The following ZNF827 variants were observed in gnomAD, a reference collection of about 807,000 sequenced individuals.
The protein encoded by ZNF827 is zinc finger protein 827.
ZNF827 carries 13 observed loss-of-function variants against 102.4 expected under a neutral mutation model. That is an observed-to-expected ratio of 0.13 (90% CI 0.08 to 0.20). ZNF827 has a LOEUF of 0.20. Among genes scored for constraint, ZNF827 ranks in the 10% least tolerant of loss-of-function variants. ZNF827 has a pLI of 1.00. For missense variants in ZNF827, 1,103 were observed against 1,344.4 expected, an observed-to-expected ratio of 0.82 and a Z score of 2.81; for synonymous variants, 523 against 536.2, an observed-to-expected ratio of 0.98 and a Z score of 0.34.
chr4:145,844,751 A>G (rs1745772938), intron 7 of ZNF827, among the ~76,000 whole-genome samples: 1 of 152,014 alleles, frequency 6.6e-6, no homozygotes, highest in South Asian at 2.1e-4. Flanking sequence ...AGTGTGAGGC[A>G]AGCTGGCTCT....
At chr4:145,792,752 A>G (rs1211590807) in intron 8 of ZNF827, among the ~76,000 whole-genome samples, 5 of 152,202 alleles carry the variant, frequency 3.3e-5, no homozygotes, top group Admixed American at 6.5e-5. Context: ...TAGTTGAGCA[A>G]AAGAAGTACC....
At chr4:145,937,407 C>G (rs1239740147) in intron 1 of ZNF827, among the ~76,000 whole-genome samples, 1 of 151,968 alleles carries the variant, frequency 6.6e-6, no homozygotes, top group Admixed American at 6.5e-5. Flanking sequence ...CGACTGACCC[C>G]GCATTTTATT....
chr4:145,908,574 CATA>C (rs1371578994), intron 1 of ZNF827, among the ~76,000 whole-genome samples: 1 of 152,204 alleles, frequency 6.6e-6, no homozygotes, highest in Non-Finnish European at 1.5e-5. Flanking sequence ...CAGTTATACT[CATA>C]ATAAGTGCTG....
chr4:145,838,063 C>T (rs1013928069), intron 7 of ZNF827, among the ~76,000 whole-genome samples: 3 of 152,134 alleles, frequency 2.0e-5, no homozygotes, highest in African/African-American at 7.2e-5. Flanking sequence ...AATGTCAGGC[C>T]TCTGAGCCCA....
chr4:145,799,040 AG>A (rs1351327422), intron 8 of ZNF827, among the ~76,000 whole-genome samples: 1 of 152,230 alleles, frequency 6.6e-6, no homozygotes. Flanking sequence ...TTCTGATGTA[AG>A]AAGCTGGCAG....
intron 1 of ZNF827, among the ~76,000 whole-genome samples, chr4:145,909,071 T>C (rs1752081579): frequency 6.6e-6 from 1 of 152,240 alleles, no homozygotes; most frequent in African/African-American, 2.4e-5. Flanking sequence ...ATGAAAAAAT[T>C]GTATATTTTT....
At chr4:145,897,063 G>T (rs9790707) in intron 2 of ZNF827, among the ~76,000 whole-genome samples, 41,601 of 152,056 alleles carry the variant, frequency 0.27, 5,970 homozygotes, top group East Asian at 0.38. Context: ...ATCCAGCTCT[G>T]TTTACAGATG....
Position 145,903,116 on chromosome 4 carries a change from A to T in ZNF827, c.143T>A (p.Val48Asp). 6.2e-7 allele frequency: 1 copy of T among 1,614,160 alleles called. No homozygotes were observed. Among genetic ancestry groups the T allele is most frequent in the Non-Finnish European group, 8.5e-7 (1 of 1,180,024 alleles). The stretch of plus-strand genomic sequence containing the variant: ...CAGAGACAACTTATAGTTCTCCTGG[A>T]CTTCCCCATAGGATGCTTCTGACGG... ...ETPSEASYGE[V>D]QENYKLSLED... The change falls in exon 2 of 15, where the codon GTC becomes GAC. Residue 48 changes from valine (V) to aspartate (D), a missense_variant. Around this residue, in one of 5 missense-constraint regions of ZNF827, gnomAD observed 441 missense variants for 458.6 expected, o/e 0.96. Coordinates refer to ENST00000508784, the MANE Select transcript of ZNF827 (RefSeq NM_001306215.2).
chr4:145,790,146 G>T (rs966884551), intron 8 of ZNF827, among the ~76,000 whole-genome samples: 1 of 152,288 alleles, frequency 6.6e-6, no homozygotes. Flanking sequence ...ACTGTATTAG[G>T]TGACAGCAAA....
intron 5 of ZNF827, among the ~76,000 whole-genome samples, chr4:145,859,208 C>T (rs1198302188): frequency 2.0e-5 from 3 of 152,080 alleles, no homozygotes; most frequent in Admixed American, 2.0e-4. Flanking sequence ...AGGAAGGGAA[C>T]GTAGGCTCCA....
chr4:145,837,286 A>T (rs1175304668), intron 7 of ZNF827, among the ~76,000 whole-genome samples: 1 of 152,096 alleles, frequency 6.6e-6, no homozygotes, highest in Non-Finnish European at 1.5e-5. Flanking sequence ...TTTAAAACAC[A>T]CCTCACCAAG....
chr4:145,860,488 T>G (rs777905712), intron 5 of ZNF827, among the ~76,000 whole-genome samples: 6 of 152,222 alleles, frequency 3.9e-5, no homozygotes, highest in Non-Finnish European at 8.8e-5. Flanking sequence ...AATTTATTCT[T>G]TAAACAGTGA....
intron 1 of ZNF827, among the ~76,000 whole-genome samples, chr4:145,913,084 A>G (rs958192320): frequency 1.3e-5 from 2 of 152,088 alleles, no homozygotes; most frequent in African/African-American, 2.4e-5. Context: ...GGACTAATAA[A>G]TTTTTGCTTA....
At chr4:145,833,733 CTTA>C (rs1472805118) in intron 7 of ZNF827, among the ~76,000 whole-genome samples, 1 of 151,532 alleles carries the variant, frequency 6.6e-6, no homozygotes, top group East Asian at 1.9e-4. Flanking sequence ...GCCCCAACCT[CTTA>C]TATCTCTGCA....
chr4:145,906,174 T>C (rs1751856927), intron 1 of ZNF827, among the ~76,000 whole-genome samples: 1 of 152,204 alleles, frequency 6.6e-6, no homozygotes, highest in African/African-American at 2.4e-5. Flanking sequence ...GCTGGCCCAA[T>C]GCTTCTCTGC....
chr4:145,912,859 G>C (rs1486306248), intron 1 of ZNF827, among the ~76,000 whole-genome samples: 2 of 152,186 alleles, frequency 1.3e-5, no homozygotes, highest in African/African-American at 4.8e-5. Context: ...TTTAAGCACT[G>C]GTTTGTGATA....
intron 1 of ZNF827, among the ~76,000 whole-genome samples, chr4:145,916,016 C>A (rs952507153): frequency 1.1e-4 from 16 of 152,234 alleles, no homozygotes; most frequent in Non-Finnish European, 1.9e-4. Flanking sequence ...TGTCCCCAAT[C>A]CCCTGTACAC....
At chr4:145,794,420 A>G (rs767348154) in intron 8 of ZNF827, among the ~76,000 whole-genome samples, 1 of 152,168 alleles carries the variant, frequency 6.6e-6, no homozygotes. Context: ...TTCAAAGCAC[A>G]CATAGCCTGC....
chr4:145,879,524 G>T (rs1291175302), intron 4 of ZNF827, among the ~76,000 whole-genome samples: 4 of 152,138 alleles, frequency 2.6e-5, no homozygotes, highest in Admixed American at 2.6e-4. Context: ...TGGCAATTCT[G>T]GAACTAGGTA....
Sources: gnomAD v4.1 joint callset for allele counts (sites outside exome capture counted in the v4.1 genomes callset) on GRCh38, gnomAD v4.1.1 for gene constraint, gnomAD v4.1.1 regional missense constraint, MANE v1.5 for transcripts, NCBI Gene and HGNC (gene_info 2026-07-23, HGNC 2026-07-21) for gene names.